The following KLRG1 variants were observed in gnomAD, a reference collection of about 807,000 sequenced individuals.
The protein encoded by KLRG1 is killer cell lectin like receptor G1, also known as killer cell lectin-like receptor subfamily G member 1.
Under a neutral mutation model 21.8 loss-of-function variants are expected in KLRG1, and 16 were observed. The observed-to-expected ratio is 0.73, with a 90% CI of 0.50 to 1.11. KLRG1 has a LOEUF of 1.11. Ranked by LOEUF, KLRG1 falls within the 50% of genes most tolerant of loss-of-function variation. The probability of loss-of-function intolerance (pLI) is 0.00; values close to 1 mark genes in which losing one functional copy is unlikely to be tolerated. For missense variants in KLRG1, 173 were observed against 218.3 expected, an observed-to-expected ratio of 0.79 and a Z score of 1.31; for synonymous variants, 69 against 75.9, an observed-to-expected ratio of 0.91 and a Z score of 0.47.
chr12:9,002,133 GTTAT>G (rs1285210655), intron 3 of KLRG1, among the ~76,000 whole-genome samples: 2 of 152,070 alleles, frequency 1.3e-5, no homozygotes, highest in Non-Finnish European at 2.9e-5. Flanking sequence ...TTTGCTTGCA[GTTAT>G]TTATTTACAT....
At chr12:9,017,594 G>A in the KLRG1 span, among the ~76,000 whole-genome samples, 2 of 152,030 alleles carry the variant, frequency 1.3e-5, no homozygotes, top group Middle Eastern at 3.4e-3. Flanking sequence ...TAAAAAATTG[G>A]GTATACAAAG....
At chr12:9,065,999 C>T in the KLRG1 span, 14 of 152,502 alleles carry the variant, frequency 9.2e-5, no homozygotes, top group African/African-American at 2.6e-4. Context: ...GCTGAACACT[C>T]GTTGGGACAC....
At chr12:9,000,665 G>C (rs1219067240) in intron 3 of KLRG1, among the ~76,000 whole-genome samples, 1 of 152,152 alleles carries the variant, frequency 6.6e-6, no homozygotes, top group Non-Finnish European at 1.5e-5. Context: ...TTAGAACACT[G>C]TTTTCAAGGT....
chr12:9,030,143 A>G, the KLRG1 span, among the ~76,000 whole-genome samples: 35,761 of 152,134 alleles, frequency 0.24, 4,858 homozygotes, highest in South Asian at 0.32. Context: ...TGGAAGAGAG[A>G]AGACAGACTG....
chr12:9,155,747 TA>T, the KLRG1 span: 1 of 152,596 alleles, frequency 6.6e-6, no homozygotes. Context: ...CTGCTCCAAA[TA>T]AATCATGGTC....
chr12:9,034,971 A>G, the KLRG1 span, among the ~76,000 whole-genome samples: 28 of 152,216 alleles, frequency 1.8e-4, no homozygotes, highest in Non-Finnish European at 2.9e-4. Context: ...GACCCTGTGT[A>G]GGCCTTGGCT....
At chr12:9,109,793 T>A in the KLRG1 span, 1 of 1,419,858 alleles carries the variant, frequency 7.0e-7, no homozygotes, top group Non-Finnish European at 9.5e-7. Context: ...AGACTCCAAA[T>A]GAACTTAAAT....
At chr12:9,140,558 G>C in the KLRG1 span, among the ~76,000 whole-genome samples, 13 of 152,322 alleles carry the variant, frequency 8.5e-5, no homozygotes, top group African/African-American at 3.1e-4. Context: ...TTTGCATACA[G>C]TGCAGCAAGA....
chr12:9,004,622 A>C (rs892326891), intron 3 of KLRG1, among the ~76,000 whole-genome samples: 1 of 152,066 alleles, frequency 6.6e-6, no homozygotes, highest in Non-Finnish European at 1.5e-5. Flanking sequence ...AAGTACAAGC[A>C]CATGCCACCA....
chr12:9,104,960 T>G, the KLRG1 span, among the ~76,000 whole-genome samples: 1 of 152,196 alleles, frequency 6.6e-6, no homozygotes, highest in Non-Finnish European at 1.5e-5. Context: ...AGACATGGTC[T>G]CTGCTTCTCA....
At chr12:8,952,209 A>G (rs1946216492) in intron 1 of KLRG1, among the ~76,000 whole-genome samples, 1 of 152,234 alleles carries the variant, frequency 6.6e-6, no homozygotes, top group Admixed American at 6.5e-5. Context: ...CCTTGTTTAG[A>G]AAGCAGTTCT....
chr12:9,189,496 A>C, the KLRG1 span, among the ~76,000 whole-genome samples: 1 of 152,242 alleles, frequency 6.6e-6, no homozygotes, highest in Non-Finnish European at 1.5e-5. Context: ...TCAACTCAAG[A>C]TTGGTTAAAG....
chr12:9,068,702 G>T, the KLRG1 span: 1 of 1,451,652 alleles, frequency 6.9e-7, no homozygotes, highest in Non-Finnish European at 9.5e-7. Flanking sequence ...CTGTGATCAG[G>T]AATTAAATAT....
At chr12:9,046,553 T>A in the KLRG1 span, among the ~76,000 whole-genome samples, 2 of 152,162 alleles carry the variant, frequency 1.3e-5, no homozygotes, top group Admixed American at 1.3e-4. Context: ...ATGAGAATTA[T>A]AGCAGATGTC....
the KLRG1 span, chr12:9,150,512 T>C: frequency 1.6e-6 from 1 of 620,330 alleles, no homozygotes; most frequent in Admixed American, 3.4e-5. Flanking sequence ...TAAGTCGTTT[T>C]TATAGTGTAC....
chr12:9,200,523 A>G, the KLRG1 span: 1 of 1,202,680 alleles, frequency 8.3e-7, no homozygotes, highest in Non-Finnish European at 1.2e-6. Flanking sequence ...CAGTATGTCT[A>G]TAATTTTTCC....
At chr12:9,095,070 C>CTT in the KLRG1 span, 4 of 1,582,380 alleles carry the variant, frequency 2.5e-6, no homozygotes, top group Non-Finnish European at 3.4e-6. Context: ...TGGTGAATGC[C>CTT]TTTAAGCCCA....
At chr12:8,988,551 T>G (rs1203209819), upstream of KLRG1, 1 of 152,218 alleles carries the variant, frequency 6.6e-6, no homozygotes, top group Non-Finnish European at 1.5e-5. Context: ...TCTTAAGAGT[T>G]TCAATACTCT....
At position 8,989,735 on chromosome 12, in the gene KLRG1, G is replaced by A; in HGVS notation, c.82+18G>A. 2.0e-6 allele frequency: 3 copies of A among 1,511,560 alleles called. No individual in the cohort carries two copies. Among genetic ancestry groups the A allele is most frequent in the Non-Finnish European group, 2.7e-6 (3 of 1,091,526 alleles). 93.6% of individuals were successfully genotyped at this position (1,511,560 alleles called of 1,614,324 possible). Reference sequence around the variant, plus strand: ...GCAAAAATGTGAGTTAACCAAGGTAGCATGGAAGACGATGCATAGCAACAG... The same window carrying A: ...GCAAAAATGTGAGTTAACCAAGGTAACATGGAAGACGATGCATAGCAACAG... On this transcript the variant is annotated intron_variant, in intron 1 of 4. Coordinates refer to ENST00000356986, the MANE Select transcript of KLRG1 (RefSeq NM_005810.4).
Sources: allele counts gnomAD v4.1 joint callset (sites outside exome capture counted in the v4.1 genomes callset), GRCh38; gene constraint gnomAD v4.1.1; transcripts MANE v1.5; gene names NCBI Gene and HGNC (gene_info 2026-07-23, HGNC 2026-07-21).